Variants in PADI2 observed in about 807,000 individuals in gnomAD.
The protein encoded by PADI2 is peptidyl arginine deiminase 2.
In PADI2, 70 loss-of-function variants were observed where a neutral mutation model predicts 81.1. That is an observed-to-expected ratio of 0.86 (90% CI 0.71 to 1.05). The LOEUF (loss-of-function observed/expected upper bound fraction) is 1.05. Among genes scored for constraint, PADI2 ranks in the 50% least tolerant of loss-of-function variants. PADI2 has a pLI of 0.00. For synonymous variants in PADI2, 338 were observed against 358.0 expected, an observed-to-expected ratio of 0.94 and a Z score of 0.63; for missense variants, 853 against 889.9, an observed-to-expected ratio of 0.96 and a Z score of 0.53.
At chr1:17,084,329 G>C (rs2078369535) in intron 8 of PADI2, among the ~76,000 whole-genome samples, 1 of 152,224 alleles carries the variant, frequency 6.6e-6, no homozygotes. Context: ...GTTGCTAACT[G>C]CCTGGTAGAG....
chr1:17,118,938 G>A (rs1264209224), intron 1 of PADI2, among the ~76,000 whole-genome samples: 1 of 152,108 alleles, frequency 6.6e-6, no homozygotes, highest in Non-Finnish European at 1.5e-5. Flanking sequence ...GGAAGTGAAA[G>A]GGGAGAGGAC....
At position 17,074,900 on chromosome 1, in the gene PADI2, C is replaced by A; in HGVS notation, c.1505G>T (p.Arg502Leu). Residue 502 changes from arginine (R) to leucine (L), a missense_variant, in exon 13 of 16, where the codon CGA becomes CTA. Coordinates refer to ENST00000375486, the MANE Select transcript of PADI2 (RefSeq NM_007365.3). Reference sequence around the variant, plus strand: ...TCCATGGCCGTCCTTCTGCTTCTCTCGGAAGAGCTTGTAGCAGGCCGAGGT... The same window carrying A: ...TCCATGGCCGTCCTTCTGCTTCTCTAGGAAGAGCTTGTAGCAGGCCGAGGT... ...ASTSACYKLF[R>L]EKQKDGHGEA... 6.2e-7 allele frequency: 1 copy of A among 1,613,340 alleles called. No individual in the cohort carries two copies. The highest frequency in any genetic ancestry group is 1.1e-5 in the South Asian group (1 of 90,946).
In PADI2 at chr1:17,119,283, T is replaced by C. The variant is rs1462552826; in HGVS notation, c.89A>G (p.Tyr30Cys). 1.3e-6 allele frequency: 2 copies of C among 1,542,502 alleles called. No homozygotes were observed. Among genetic ancestry groups the C allele is most frequent in the Non-Finnish European group, 1.7e-6 (2 of 1,144,232 alleles). Residue 30 changes from tyrosine to cysteine, a missense_variant, in exon 1 of 16, where the codon TAC becomes TGC. Coordinates refer to ENST00000375486, the MANE Select transcript of PADI2 (RefSeq NM_007365.3). The surrounding 1 kb of genome is among the most constrained non-coding windows in gnomAD (Gnocchi z 4.8). ...VLGTYLWTDV[Y>C]SAAPAGAQTF... is the part of the protein sequence containing the mutation. ...GCATCACGGTGGGCCGGCTCACCTG[T>C]AGACATCGGTCCAGAGGTAGGTGCC...
chr1:17,085,543 C>T (rs1166677930), intron 7 of PADI2, among the ~76,000 whole-genome samples: 1 of 152,206 alleles, frequency 6.6e-6, no homozygotes, highest in East Asian at 1.9e-4. Context: ...AGTAGAACTT[C>T]ACAAGTTTGG....
At chr1:17,075,031 A>AG in intron 12 of PADI2, 82 bp from the exon 13 acceptor site, 1 of 822,188 alleles carries the variant, frequency 1.2e-6, no homozygotes, top group Admixed American at 2.2e-5. Flanking sequence ...CTGAGGACCC[A>AG]GTGCCTTGCC....
Position 17,114,876 on chromosome 1 carries a change from T to C in PADI2, c.92+4404A>G, listed in dbSNP as rs376501269. On this transcript the variant is annotated intron_variant, in intron 1 of 15. Coordinates refer to ENST00000375486, the MANE Select transcript of PADI2 (RefSeq NM_007365.3). The stretch of plus-strand genomic sequence containing the variant: ...TTGGCACAGCCAAGGGCTAACAGCA[T>C]CCACAAAGCCAGCGTGGCCGGAATG... 9.7e-4 allele frequency among the ~76,000 whole-genome samples: 147 copies of C among 152,226 alleles called. 1 individual carries two copies. Among genetic ancestry groups the C allele is most frequent in the African/African-American group, 3.5e-3 (145 of 41,522 alleles).
chr1:17,119,437 C>T lies in PADI2; in HGVS notation c.-66G>A. ...CCGGGAGCACCTGCAGCAGGTGCGCCTTCTCCAGCAGCCTGCGCCCCACGG... is the reference window on the plus strand; with the variant it reads ...CCGGGAGCACCTGCAGCAGGTGCGCTTTCTCCAGCAGCCTGCGCCCCACGG... On this transcript the variant is annotated 5_prime_UTR_variant, in exon 1 of 16. Coordinates refer to ENST00000375486, the MANE Select transcript of PADI2 (RefSeq NM_007365.3). This position sits in a 1 kb window ranked among gnomAD's most constrained non-coding sequence, Gnocchi z 4.8. 8.0e-7 allele frequency: 1 copy of T among 1,250,278 alleles called. No homozygotes were observed. The allele number at this position is 1,250,278 out of a possible 1,614,324, so 77.4% of individuals were successfully genotyped here. A position where few individuals can be genotyped will look rare whatever the true frequency, so the allele number is the denominator to read the frequency against.
chr1:17,093,734 G>GAGA, intron 4 of PADI2, 50 bp from the exon 5 acceptor site: 2 of 1,073,758 alleles, frequency 1.9e-6, no homozygotes, highest in Non-Finnish European at 1.4e-6. Context: ...TGCTTGTATA[G>GAGA]ACCCCATGGG....
chr1:17,119,152 G>A lies in PADI2; in HGVS notation c.92+128C>T. On this transcript the variant is annotated intron_variant, in intron 1 of 15. Transcript: ENST00000375486. This position sits in a 1 kb window ranked among gnomAD's most constrained non-coding sequence, Gnocchi z 4.8. ...TCTGGATGAGATTCTTAGGATTTCT[G>A]GGCTCGGGGGCTCGGGATGAGGGAC... 1.6e-6 allele frequency: 1 copy of A among 618,268 alleles called. No homozygotes were observed. 38.3% of individuals were successfully genotyped at this position (618,268 alleles called of 1,614,324 possible).
At position 17,086,626 on chromosome 1, in the gene PADI2, A is replaced by G; in HGVS notation, c.729T>C (p.Gly243=). The G allele has an allele frequency of 1.2e-6, 2 of 1,613,744 alleles. No homozygotes were observed. Among genetic ancestry groups the G allele is most frequent in the Non-Finnish European group, 1.7e-6 (2 of 1,179,874 alleles). ...RKLYHVVKYT[G]GSAELLFFVE... is the part of the protein sequence containing the mutation. ...CGAAGAACAGCAGCTCCGCGGAGCCACCCGTGTACTTGACCACATGGTAGA... is the reference window on the plus strand; with the variant it reads ...CGAAGAACAGCAGCTCCGCGGAGCCGCCCGTGTACTTGACCACATGGTAGA... The change falls in exon 7 of 16, where the codon GGT becomes GGC. Residue 243 remains glycine, a synonymous_variant. Coordinates refer to ENST00000375486, the MANE Select transcript of PADI2 (RefSeq NM_007365.3).
chr1:17,081,549 G>A (rs1022533223), intron 10 of PADI2, among the ~76,000 whole-genome samples: 1 of 152,214 alleles, frequency 6.6e-6, no homozygotes, highest in African/African-American at 2.4e-5. Context: ...CTGGCACAGG[G>A]TCAGCTCTGG....
At chr1:17,103,097 G>C (rs377362138) in intron 2 of PADI2, 38 bp from the exon 3 acceptor site, 7 of 1,459,600 alleles carry the variant, frequency 4.8e-6, no homozygotes, top group African/African-American at 2.8e-5. Flanking sequence ...AGAGAGAAAA[G>C]AGAGCAGAGA....
intron 6 of PADI2, among the ~76,000 whole-genome samples, chr1:17,089,762 C>A (rs1172950090): frequency 2.0e-5 from 3 of 152,230 alleles, no homozygotes; most frequent in Non-Finnish European, 4.4e-5. Context: ...GCGTGGCCAG[C>A]TTTCTCTGCA....
At chr1:17,113,999 C>T (rs1931673684) in intron 1 of PADI2, among the ~76,000 whole-genome samples, 1 of 152,236 alleles carries the variant, frequency 6.6e-6, no homozygotes, top group Non-Finnish European at 1.5e-5. Context: ...ACTCCCAACC[C>T]CAGGAAACTA....
chr1:17,096,780 A>G (rs1370764444), intron 3 of PADI2, among the ~76,000 whole-genome samples: 1 of 152,188 alleles, frequency 6.6e-6, no homozygotes, highest in East Asian at 1.9e-4. Context: ...GGCAGGTTAG[A>G]GGACCTCTCT....
chr1:17,089,938 C>T (rs977990777), intron 6 of PADI2, among the ~76,000 whole-genome samples: 8 of 152,140 alleles, frequency 5.3e-5, no homozygotes, highest in Non-Finnish European at 1.0e-4. Flanking sequence ...GATAGTGTGA[C>T]CAGCTGATTT....
At chr1:17,083,687 G>T in intron 9 of PADI2, 39 bp downstream of exon 9, 1 of 1,281,690 alleles carries the variant, frequency 7.8e-7, no homozygotes, top group Non-Finnish European at 1.1e-6. Flanking sequence ...GCTTGACCCG[G>T]GGGCCATGTC....
At chr1:17,112,116 A>C (rs1288916634) in intron 1 of PADI2, among the ~76,000 whole-genome samples, 1 of 152,086 alleles carries the variant, frequency 6.6e-6, no homozygotes, top group African/African-American at 2.4e-5. Flanking sequence ...CAGGAAAGCA[A>C]CAGAGGAAGT....
intron 2 of PADI2, among the ~76,000 whole-genome samples, chr1:17,103,359 C>T (rs929065167): frequency 7.9e-5 from 12 of 152,172 alleles, no homozygotes; most frequent in African/African-American, 2.2e-4. Flanking sequence ...CCATGTTGCA[C>T]GTCTAGTGCC....
Sources: gnomAD v4.1 joint callset for allele counts (sites outside exome capture counted in the v4.1 genomes callset) on GRCh38, gnomAD v4.1.1 for gene constraint, Gnocchi (gnomAD v3.1) non-coding constraint, MANE v1.5 for transcripts, NCBI Gene and HGNC (gene_info 2026-07-23, HGNC 2026-07-21) for gene names.